The following LIPA variants were observed in gnomAD, a reference collection of about 807,000 sequenced individuals.
LIPA encodes lysosomal acid lipase/cholesteryl ester hydrolase.
A neutral mutation model predicts 40.6 loss-of-function variants in LIPA; 26 were observed. The observed-to-expected ratio is 0.64, with a 90% CI of 0.47 to 0.89. The LOEUF (loss-of-function observed/expected upper bound fraction) is 0.89, where lower values mean the gene tolerates loss of function less well. LIPA is among the 40% of genes least tolerant of loss of function. The probability of loss-of-function intolerance (pLI) is 0.00; values close to 1 mark genes in which losing one functional copy is unlikely to be tolerated. For synonymous variants in LIPA, 188 were observed against 168.4 expected (o/e 1.12, Z -0.90); for missense variants, 455 against 479.6 (o/e 0.95, Z 0.48).
intron 6 of LIPA, among the ~76,000 whole-genome samples, 179 bp from the exon 7 acceptor site, chr10:89,224,009 A>T (rs932159019): frequency 1.3e-5 from 2 of 152,242 alleles, no homozygotes; most frequent in African/African-American, 2.4e-5. Flanking sequence ...CAAAGCAAAA[A>T]TCACACACTA....
At chr10:89,307,542 AG>A in intron 1 of LIPA, 1 of 588,654 alleles carries the variant, frequency 1.7e-6, no homozygotes, top group Non-Finnish European at 2.9e-6. Flanking sequence ...CTGGGTCTTG[AG>A]AGAGCCCAAG....
At chr10:89,312,827 T>C (rs1843523485) in intron 1 of LIPA, among the ~76,000 whole-genome samples, 1 of 150,852 alleles carries the variant, frequency 6.6e-6, no homozygotes, top group African/African-American at 2.4e-5. Context: ...AAAATAATAA[T>C]AATAATAATC....
At chr10:89,378,254 T>A in intron 2 of LIPA, 1 of 1,045,384 alleles carries the variant, frequency 9.6e-7, no homozygotes, top group Non-Finnish European at 1.5e-6. Flanking sequence ...GTCCCACTGG[T>A]GGTTCTGACC....
intron 2 of LIPA, chr10:89,403,500 G>A (rs1295383402): frequency 9.3e-6 from 15 of 1,612,638 alleles, no homozygotes; most frequent in Non-Finnish European, 1.3e-5. Context: ...TATAAAAATA[G>A]AACAGGCATC....
chr10:89,402,510 G>C (rs1213707766), intron 2 of LIPA: 26 of 1,614,072 alleles, frequency 1.6e-5, no homozygotes, highest in Non-Finnish European at 2.2e-5. Context: ...AAAAGAAGCT[G>C]AAAACTTAAT....
chr10:89,336,225 G>A (rs1843738497), intron 1 of LIPA, among the ~76,000 whole-genome samples: 1 of 151,776 alleles, frequency 6.6e-6, no homozygotes, highest in Non-Finnish European at 1.5e-5. Flanking sequence ...GAGGAAGAGA[G>A]GGAGGGAGGG....
intron 2 of LIPA, among the ~76,000 whole-genome samples, chr10:89,350,785 G>A (rs752346229): frequency 7.2e-5 from 11 of 152,170 alleles, no homozygotes; most frequent in Non-Finnish European, 1.2e-4. Flanking sequence ...TGAACTTGCA[G>A]TTGCATAGCT....
chr10:89,411,308 G>T (rs892757647), intron 2 of LIPA, among the ~76,000 whole-genome samples: 14 of 152,166 alleles, frequency 9.2e-5, no homozygotes, highest in Non-Finnish European at 1.6e-4. Flanking sequence ...AACACAATGG[G>T]TATTCAGTAA....
chr10:89,232,729 G>A (rs1842857664), intron 3 of LIPA, among the ~76,000 whole-genome samples: 3 of 152,196 alleles, frequency 2.0e-5, no homozygotes, highest in South Asian at 4.1e-4. Flanking sequence ...ACCTTCTCTC[G>A]ATGGAGAATG....
intron 1 of LIPA, among the ~76,000 whole-genome samples, chr10:89,267,266 A>G (rs918095480): frequency 2.0e-5 from 3 of 152,180 alleles, no homozygotes; most frequent in Non-Finnish European, 4.4e-5. Context: ...AAGATAGTGC[A>G]GTAGCCCCAG....
chr10:89,301,151 T>C (rs1396111158), intron 1 of LIPA, among the ~76,000 whole-genome samples: 3 of 152,176 alleles, frequency 2.0e-5, no homozygotes, highest in Non-Finnish European at 4.4e-5. Context: ...AGCAGAGACA[T>C]TCAATAATTT....
upstream of LIPA, among the ~76,000 whole-genome samples, chr10:89,256,061 A>G (rs1422596484): frequency 6.6e-6 from 1 of 152,012 alleles, no homozygotes; most frequent in Non-Finnish European, 1.5e-5. Context: ...AAATAGCTGG[A>G]CCTCCCCTTC....
At chr10:89,306,464 A>G (rs1190103336) in intron 1 of LIPA, 1 of 1,614,004 alleles carries the variant, frequency 6.2e-7, no homozygotes, top group African/African-American at 1.3e-5. Flanking sequence ...AAAGAAGCCA[A>G]AGAACCCAGA....
chr10:89,414,602 A>T, upstream of LIPA: 1 of 494,418 alleles, frequency 2.0e-6, no homozygotes, highest in East Asian at 3.6e-5. Flanking sequence ...TTCAATCTCC[A>T]GTTTCCTGTT....
chr10:89,402,607 T>C, intron 2 of LIPA: 20 of 1,614,228 alleles, frequency 1.2e-5, no homozygotes, highest in Non-Finnish European at 1.6e-5. Flanking sequence ...ATGGGCAGAC[T>C]GGCAGAAGCC....
intron 2 of LIPA, among the ~76,000 whole-genome samples, chr10:89,373,372 G>A (rs1312458742): frequency 1.3e-5 from 2 of 149,346 alleles, no homozygotes; most frequent in Non-Finnish European, 2.9e-5. Context: ...GAACACGTGG[G>A]AGTCAGCCAG....
intron 3 of LIPA, among the ~76,000 whole-genome samples, chr10:89,244,178 C>CA (rs199763852): frequency 0.031 from 4,764 of 151,350 alleles, 97 homozygotes; most frequent in East Asian, 0.052. Flanking sequence ...AATCAAATTT[C>CA]AAAAAAAATG....
chr10:89,290,441 C>T (rs1046612165), intron 1 of LIPA, among the ~76,000 whole-genome samples: 4 of 152,134 alleles, frequency 2.6e-5, no homozygotes, highest in African/African-American at 9.7e-5. Context: ...AAAATTTTTG[C>T]TGCCAACACT....
intron 2 of LIPA, among the ~76,000 whole-genome samples, chr10:89,375,533 GT>G (rs1195054676): frequency 1.3e-5 from 2 of 152,170 alleles, no homozygotes; most frequent in African/African-American, 4.8e-5. Context: ...GCAAATATCT[GT>G]GCAGAACCCC....
Sources: gnomAD v4.1 joint callset for allele counts (sites outside exome capture counted in the v4.1 genomes callset) on GRCh38, gnomAD v4.1.1 for gene constraint, MANE v1.5 for transcripts, NCBI Gene and HGNC (gene_info 2026-07-23, HGNC 2026-07-21) for gene names.